The following PCDHA6 variants were observed in gnomAD, a reference collection of about 807,000 sequenced individuals.
PCDHA6 encodes protocadherin alpha-6.
Under a neutral mutation model 60.3 loss-of-function variants are expected in PCDHA6, and 55 were observed. The ratio of observed to expected loss-of-function variants is 0.91; its 90% CI spans 0.73 to 1.14. The LOEUF is 1.14. PCDHA6 is among the 50% of genes most tolerant of loss of function. PCDHA6 has a pLI of 0.00. For synonymous variants in PCDHA6, 652 were observed against 557.9 expected (o/e 1.17, Z -2.38); for missense variants, 1,327 against 1,256.5 (o/e 1.06, Z -0.85).
intron 1 of PCDHA6, among the ~76,000 whole-genome samples, chr5:140,945,317 A>C (rs1322598969): frequency 1.3e-5 from 2 of 152,150 alleles, no homozygotes; most frequent in Non-Finnish European, 2.9e-5. Context: ...AAATAAATGG[A>C]AATATATTTT....
At chr5:140,870,578 C>A in intron 1 of PCDHA6, 1 of 1,613,882 alleles carries the variant, frequency 6.2e-7, no homozygotes. Flanking sequence ...GTGTCCTACT[C>A]GCTGGTGGAG....
At chr5:140,954,119 C>T (rs547590061) in intron 1 of PCDHA6, among the ~76,000 whole-genome samples, 2 of 152,156 alleles carry the variant, frequency 1.3e-5, no homozygotes, top group African/African-American at 4.8e-5. Flanking sequence ...AGATCTTGTT[C>T]CTTTTTATGG....
rs2150179968 is a variant in PCDHA6 at position 140,830,029 on chromosome 5, G to A, written c.1938G>A (p.Arg646=). 2 of 1,613,910 alleles carry A rather than the reference G, an allele frequency of 1.2e-6. No individual in the cohort carries two copies. The highest frequency in any genetic ancestry group is 1.7e-4 in the Middle Eastern group (1 of 6,060). ...ACGAAGCGGACTCTCCGCGCCACCG[G>A]CTGCTGGTGCTGGTGAAAGACCACG... ...VLDEADSPRH[R]LLVLVKDHGE... The change falls in exon 1 of 4, where the codon CGG becomes CGA. Residue 646 remains arginine, a synonymous_variant. Coordinates refer to ENST00000529310, the MANE Select transcript of PCDHA6 (RefSeq NM_018909.4).
intron 1 of PCDHA6, among the ~76,000 whole-genome samples, chr5:140,953,720 G>C (rs2094928996): frequency 6.6e-6 from 1 of 152,068 alleles, no homozygotes; most frequent in African/African-American, 2.4e-5. Flanking sequence ...CAGACATTGT[G>C]TTTTGAAATT....
At chr5:140,968,141 A>G in intron 1 of PCDHA6, 1 of 1,614,110 alleles carries the variant, frequency 6.2e-7, no homozygotes, top group Non-Finnish European at 8.5e-7. Context: ...GAAGGTTGAG[A>G]TCTCTGACAT....
intron 1 of PCDHA6, among the ~76,000 whole-genome samples, chr5:140,959,030 G>A (rs1303090530): frequency 6.6e-6 from 1 of 151,776 alleles, no homozygotes; most frequent in African/African-American, 2.4e-5. Flanking sequence ...GCTTTATCAT[G>A]GGTATGTATG....
At chr5:140,850,730 G>T (rs1439103901) in intron 1 of PCDHA6, 3 of 1,597,976 alleles carry the variant, frequency 1.9e-6, no homozygotes, top group Non-Finnish European at 2.6e-6. Flanking sequence ...CTAGCGCGGT[G>T]GGGAGTTGGT....
At chr5:140,885,427 G>A (rs1276398573) in intron 1 of PCDHA6, among the ~76,000 whole-genome samples, 1 of 152,092 alleles carries the variant, frequency 6.6e-6, no homozygotes, top group Admixed American at 6.5e-5. Flanking sequence ...ATTCCACAGT[G>A]TAAGTGTGCA....
intron 1 of PCDHA6, among the ~76,000 whole-genome samples, chr5:140,916,378 A>C (rs772984424): frequency 6.6e-6 from 1 of 152,158 alleles, no homozygotes; most frequent in Non-Finnish European, 1.5e-5. Flanking sequence ...TGTAGCCACC[A>C]CAACTAGGAA....
At chr5:140,872,336 A>G (rs1554166138) in intron 1 of PCDHA6, among the ~76,000 whole-genome samples, 1 of 152,144 alleles carries the variant, frequency 6.6e-6, no homozygotes, top group African/African-American at 2.4e-5. Context: ...CTAAAATTCT[A>G]CATGTTCTTG....
chr5:140,963,570 G>A (rs1011231723), intron 1 of PCDHA6, among the ~76,000 whole-genome samples: 6 of 152,180 alleles, frequency 3.9e-5, no homozygotes, highest in African/African-American at 1.2e-4. Flanking sequence ...TTCTGGTTTT[G>A]TTCTCAAAAT....
At chr5:140,997,118 C>A (rs1319289091) in intron 3 of PCDHA6, among the ~76,000 whole-genome samples, 24 of 152,088 alleles carry the variant, frequency 1.6e-4, no homozygotes, top group Non-Finnish European at 3.1e-4. Context: ...TGCTCTCCCA[C>A]ATACACAATG....
At chr5:140,993,226 T>G (rs1554253487) in intron 3 of PCDHA6, among the ~76,000 whole-genome samples, 1 of 152,204 alleles carries the variant, frequency 6.6e-6, no homozygotes, top group Non-Finnish European at 1.5e-5. Context: ...TTTGGTATGT[T>G]CTCTCTGAAT....
chr5:140,987,207 C>A (rs1475441121), intron 3 of PCDHA6, among the ~76,000 whole-genome samples: 1 of 148,672 alleles, frequency 6.7e-6, no homozygotes, highest in African/African-American at 2.5e-5. Context: ...GAGTGAGACT[C>A]CATCTCAAAA....
chr5:140,851,181 A>G, intron 1 of PCDHA6: 2 of 1,246,750 alleles, frequency 1.6e-6, no homozygotes, highest in Middle Eastern at 6.4e-4. Flanking sequence ...ACACTTGAAA[A>G]CCAATTTAGT....
Position 140,850,693 on chromosome 5 carries a change from C to G in PCDHA6, c.2394+20208C>G, listed in dbSNP as rs138234390. On this transcript the variant is annotated intron_variant, in intron 1 of 3. Coordinates refer to ENST00000529310, the MANE Select transcript of PCDHA6 (RefSeq NM_018909.4). ...GCGATGCCCACCGAGGGCGAGTGCG[C>G]GCCTGGCAAGCCGACGCTGGTGTGT... 2.8e-3 allele frequency: 4,547 copies of G among 1,598,322 alleles called. 355 individuals carry two copies. In the South Asian group the frequency reaches 0.039, roughly 14 times the overall value.
rs2150162751 is a variant in PCDHA6, at chr5:140,829,130, G to C, written c.1039G>C (p.Val347Leu). ...LVRILDKNDN[V>L]PEIALTSLSL... is the part of the protein sequence containing the mutation. ...GAGAATTTTGGATAAAAATGATAAC[G>C]TCCCTGAGATAGCACTGACTTCCTT... Residue 347 changes from valine (V) to leucine (L), a missense_variant, in exon 1 of 4, where the codon GTC becomes CTC. Coordinates refer to ENST00000529310, the MANE Select transcript of PCDHA6 (RefSeq NM_018909.4). 1.2e-6 allele frequency: 2 copies of C among 1,612,558 alleles called. No homozygotes were observed. The highest frequency in any genetic ancestry group is 3.3e-5 in the Admixed American group (2 of 60,010).
Position 140,888,156 on chromosome 5 carries a change from A to T in PCDHA6, c.2394+57671A>T, listed in dbSNP as rs556908449. 2.0e-5 allele frequency among the ~76,000 whole-genome samples: 3 copies of T among 152,300 alleles called. No homozygotes were observed. In the South Asian group the frequency reaches 6.2e-4, roughly 32 times the overall value. On this transcript the variant is annotated intron_variant, in intron 1 of 3. Coordinates refer to ENST00000529310, the MANE Select transcript of PCDHA6 (RefSeq NM_018909.4). ...TTTCTTGCTGTTTTGCATGACTGGT[A>T]ATCTCTAATAAGATGCTAGACATTG...
At chr5:140,850,107 C>T (rs2150467518) in intron 1 of PCDHA6, 8 of 1,596,052 alleles carry the variant, frequency 5.0e-6, no homozygotes, top group South Asian at 1.1e-5. Context: ...GGTGAGCGCG[C>T]GCGACGCGGG....
Sources: allele counts gnomAD v4.1 joint callset (sites outside exome capture counted in the v4.1 genomes callset), GRCh38; gene constraint gnomAD v4.1.1; transcripts MANE v1.5; gene names NCBI Gene and HGNC (gene_info 2026-07-23, HGNC 2026-07-21).